Variants in LRRC40 observed in about 807,000 individuals in gnomAD.
The protein encoded by LRRC40 is leucine rich repeat containing 40, also known as leucine-rich repeat-containing protein 40.
A neutral mutation model predicts 72.8 loss-of-function variants in LRRC40; 76 were observed. The observed-to-expected ratio is 1.04, with a 90% CI of 0.87 to 1.26. The LOEUF (loss-of-function observed/expected upper bound fraction) is 1.26. Among genes scored for constraint, LRRC40 ranks in the 50% most tolerant of loss-of-function variants. The pLI, the probability that LRRC40 is intolerant of heterozygous loss-of-function variation, is 0.00. For missense variants in LRRC40, 684 were observed against 698.9 expected, an observed-to-expected ratio of 0.98 and a Z score of 0.24; for synonymous variants, 243 against 254.2, an observed-to-expected ratio of 0.96 and a Z score of 0.42.
At chr1:70,176,738 T>C (rs896755079) in intron 6 of LRRC40, among the ~76,000 whole-genome samples, 2 of 152,090 alleles carry the variant, frequency 1.3e-5, no homozygotes, top group Admixed American at 6.6e-5. Flanking sequence ...AGAAAATATA[T>C]TGAAATTTTA....
intron 9 of LRRC40, among the ~76,000 whole-genome samples, chr1:70,169,616 T>C (rs1345203074): frequency 6.6e-6 from 1 of 152,100 alleles, no homozygotes; most frequent in Admixed American, 6.5e-5. Flanking sequence ...GAGAGGACAT[T>C]ATTACTAACC....
chr1:70,194,869 A>C (rs749230027), intron 1 of LRRC40, among the ~76,000 whole-genome samples: 13 of 152,176 alleles, frequency 8.5e-5, no homozygotes, highest in Non-Finnish European at 1.6e-4. Context: ...ATAAGGATAA[A>C]CACATAGGTC....
intron 1 of LRRC40, among the ~76,000 whole-genome samples, chr1:70,198,474 CCTCCAA>C (rs1668663276): frequency 6.6e-6 from 1 of 152,174 alleles, no homozygotes; most frequent in African/African-American, 2.4e-5. Context: ...ACGATCAACA[CCTCCAA>C]CTCCATCTTC....
chr1:70,157,472 T>C (rs1020392087), intron 10 of LRRC40, among the ~76,000 whole-genome samples: 2 of 152,238 alleles, frequency 1.3e-5, no homozygotes, highest in South Asian at 4.1e-4. Context: ...TATGCTTTTG[T>C]GATATCTGTG....
In LRRC40 at chr1:70,189,147, T is replaced by C. The variant is rs753343082; in HGVS notation, c.278A>G (p.Lys93Arg). ...CAGGTCATCTGTAAGTGACTGAAGTTTATTGTTTGATATTATTAGTTTGGT... is the reference window on the plus strand; with the variant it reads ...CAGGTCATCTGTAAGTGACTGAAGTCTATTGTTTGATATTATTAGTTTGGT... ...DLTKLIISNN[K>R]LQSLTDDLRL... The change falls in exon 2 of 15, where the codon AAA becomes AGA. Residue 93 changes from lysine to arginine, a missense_variant. By Grantham distance (26) the Lys-to-Arg change is conservative (BLOSUM62 2). Transcript: ENST00000370952. 1.1e-5 allele frequency: 17 copies of C among 1,613,788 alleles called. No homozygotes were observed. Among genetic ancestry groups the C allele is most frequent in the Non-Finnish European group, 1.4e-5 (16 of 1,179,962 alleles).
At position 70,154,520 on chromosome 1, in the gene LRRC40, CT is replaced by C. The variant is rs1470574851; in HGVS notation, c.1328+1168del. 3.9e-5 allele frequency among the ~76,000 whole-genome samples: 6 copies of C among 152,116 alleles called. No individual in the cohort carries two copies. In the East Asian group the frequency reaches 9.6e-4, roughly 24 times the overall value. On this transcript the variant is annotated intron_variant, in intron 11 of 14. Transcript: ENST00000370952. ...AATTCTATCAAATATCCTCTCAGTC[CT>C]TTAAAACAAGAGAGAACCAGAAGAT... is the stretch of plus-strand genomic sequence containing the variant.
intron 11 of LRRC40, 106 bp downstream of exon 11, chr1:70,155,583 T>C (rs758150316): frequency 2.7e-5 from 12 of 447,314 alleles, no homozygotes; most frequent in Non-Finnish European, 4.7e-5. Context: ...AATTTTTACA[T>C]ATAGTTTTAA....
chr1:70,180,698 C>T (rs1305154642), intron 5 of LRRC40, among the ~76,000 whole-genome samples: 1 of 151,976 alleles, frequency 6.6e-6, no homozygotes, highest in Non-Finnish European at 1.5e-5. Flanking sequence ...ACTTATTTCT[C>T]GACATTATTA....
intron 9 of LRRC40, among the ~76,000 whole-genome samples, chr1:70,168,434 A>G (rs933941019): frequency 1.3e-5 from 2 of 152,218 alleles, no homozygotes; most frequent in South Asian, 2.1e-4. Context: ...TGTTACTCTT[A>G]GAGAAGCTTG....
At chr1:70,147,339 T>C (rs1667332385) in intron 14 of LRRC40, 1 of 152,180 alleles carries the variant, frequency 6.6e-6, no homozygotes, top group South Asian at 2.1e-4. Flanking sequence ...GGTCACCAAG[T>C]ATAATGCTAA....
At chr1:70,196,520 A>C (rs1668615120) in intron 1 of LRRC40, among the ~76,000 whole-genome samples, 1 of 152,182 alleles carries the variant, frequency 6.6e-6, no homozygotes, top group South Asian at 2.1e-4. Flanking sequence ...ACTGCATGCT[A>C]GCCTGGGCAA....
chr1:70,150,070 C>T (rs1192187464), intron 13 of LRRC40, among the ~76,000 whole-genome samples: 1 of 151,970 alleles, frequency 6.6e-6, no homozygotes, highest in Non-Finnish European at 1.5e-5. Flanking sequence ...TACAGGCCAC[C>T]ACCACGCCTG....
At position 70,173,717 on chromosome 1, in the gene LRRC40, A is replaced by G; in HGVS notation, c.978-8T>C. 2.9e-6 allele frequency: 4 copies of G among 1,383,562 alleles called. No homozygotes were observed. Among genetic ancestry groups the G allele is most frequent in the Non-Finnish European group, 4.0e-6 (4 of 1,005,232 alleles). 85.7% of individuals were successfully genotyped at this position (1,383,562 alleles called of 1,614,324 possible). ...CCCAATGAATAGGGAAGACTATAAA[A>G]GATTAAATTGATTTCAGGGAAAGCA... On this transcript the variant is annotated splice_polypyrimidine_tract_variant and splice_region_variant and intron_variant, in intron 7 of 14. Coordinates refer to ENST00000370952, the MANE Select transcript of LRRC40 (RefSeq NM_017768.5).
intron 1 of LRRC40, among the ~76,000 whole-genome samples, chr1:70,203,366 A>G (rs926484201): frequency 5.3e-5 from 8 of 152,170 alleles, no homozygotes; most frequent in Non-Finnish European, 1.2e-4. Context: ...ACTCTTGGTA[A>G]TGACACTAGG....
At chr1:70,197,103 T>G (rs1327810459) in intron 1 of LRRC40, among the ~76,000 whole-genome samples, 1 of 152,132 alleles carries the variant, frequency 6.6e-6, no homozygotes, top group Non-Finnish European at 1.5e-5. Flanking sequence ...TAGCCACATA[T>G]GGCTACTGGG....
At chr1:70,156,029 A>G (rs1025542313) in intron 10 of LRRC40, among the ~76,000 whole-genome samples, 1 of 152,108 alleles carries the variant, frequency 6.6e-6, no homozygotes, top group Non-Finnish European at 1.5e-5. Context: ...CTGGGCATTC[A>G]TATACTCAAT....
rs1271394169 is a variant in LRRC40 at position 70,174,179 on chromosome 1, T to G, written c.978-470A>C. 2.0e-5 allele frequency among the ~76,000 whole-genome samples: 3 copies of G among 152,172 alleles called. No individual in the cohort carries two copies. In the East Asian group the frequency reaches 5.8e-4, roughly 29 times the overall value. The stretch of plus-strand genomic sequence containing the variant: ...AAGTCATCTTCATCTCTGGCACATT[T>G]TAAAAACCATTCATACATAAAAATT... On this transcript the variant is annotated intron_variant, in intron 7 of 14. Transcript: ENST00000370952.
intron 11 of LRRC40, among the ~76,000 whole-genome samples, chr1:70,154,815 G>C (rs1667601911): frequency 6.6e-6 from 1 of 151,784 alleles, no homozygotes; most frequent in African/African-American, 2.4e-5. Context: ...TAAATGCTTT[G>C]TGTGGATTAT....
At chr1:70,158,099 C>CAAAAA (rs35925333) in intron 10 of LRRC40, among the ~76,000 whole-genome samples, 4 of 19,218 alleles carry the variant, frequency 2.1e-4, no homozygotes, top group African/African-American at 9.3e-4. Context: ...GACCCTGCCT[C>CAAAAA]AAAAAAAAAA....
Sources: allele counts gnomAD v4.1 joint callset (sites outside exome capture counted in the v4.1 genomes callset), GRCh38; gene constraint gnomAD v4.1.1; transcripts MANE v1.5; gene names NCBI Gene and HGNC (gene_info 2026-07-23, HGNC 2026-07-21).